PRKN: variants seen among roughly 807,000 people sequenced by gnomAD.
The protein encoded by PRKN is parkin RBR E3 ubiquitin protein ligase.
PRKN carries 56 observed loss-of-function variants against 59.5 expected under a neutral mutation model. That is an observed-to-expected ratio of 0.94 (90% confidence interval 0.76 to 1.18). The LOEUF (loss-of-function observed/expected upper bound fraction) is 1.18. Ranked by LOEUF, PRKN falls within the 50% of genes most tolerant of loss-of-function variation. The pLI is 0.00. For missense variants in PRKN, 657 were observed against 596.4 expected (o/e 1.10, Z -1.06); for synonymous variants, 250 against 222.1 (o/e 1.13, Z -1.12).
At chr6:162,342,012 T>C (rs981035289) in intron 2 of PRKN, among the ~76,000 whole-genome samples, 1 of 152,156 alleles carries the variant, frequency 6.6e-6, no homozygotes, top group African/African-American at 2.4e-5. Context: ...TTTAATGAAA[T>C]AGTTTTTTTT....
At chr6:162,633,651 C>A (rs1209128672) in intron 1 of PRKN, among the ~76,000 whole-genome samples, 1 of 151,976 alleles carries the variant, frequency 6.6e-6, no homozygotes, top group African/African-American at 2.4e-5. Context: ...TTGCTGAATG[C>A]AGAGGCCCAG....
At chr6:162,088,112 C>T (rs1489437915) in intron 4 of PRKN, among the ~76,000 whole-genome samples, 16 of 152,072 alleles carry the variant, frequency 1.1e-4, no homozygotes, top group Admixed American at 9.2e-4. Flanking sequence ...AGAGAGGGCA[C>T]AATATTATCC....
rs1016344473 is a variant in PRKN, at chr6:161,356,388, A to G, written c.1285+3700T>C. On this transcript the variant is annotated intron_variant, in intron 11 of 11. Coordinates refer to ENST00000366898, the MANE Select transcript of PRKN (RefSeq NM_004562.3). The surrounding 1 kb of genome is among the most constrained non-coding windows in gnomAD (Gnocchi z 7.8). ...GACACAGAAGCGTCCTGGGGAGAGG[A>G]GCGGGACTGTGTGGTTGCAATGTCA... Among the ~76,000 whole-genome samples, 1 of 152,126 alleles carries G rather than the reference A, an allele frequency of 6.6e-6. No homozygotes were observed. Among genetic ancestry groups the G allele is most frequent in the Non-Finnish European group, 1.5e-5 (1 of 68,020 alleles).
intron 1 of PRKN, among the ~76,000 whole-genome samples, chr6:162,520,091 A>T (rs1042118122): frequency 1.3e-5 from 2 of 151,988 alleles, no homozygotes; most frequent in African/African-American, 4.8e-5. Context: ...TCTCTACAAA[A>T]ATATATATAT....
rs369298514 is a variant in PRKN, at chr6:162,620,947, G to C, written c.7+106715C>G. On this transcript the variant is annotated intron_variant, in intron 1 of 11. Coordinates refer to ENST00000366898, the MANE Select transcript of PRKN (RefSeq NM_004562.3). ...TAAATTAATTTTCTCTCAGGTCTTTGAAGACACTGCTTTGATAGCTTCTCG... is the reference window on the plus strand; with the variant it reads ...TAAATTAATTTTCTCTCAGGTCTTTCAAGACACTGCTTTGATAGCTTCTCG... Among the ~76,000 whole-genome samples the C allele has an allele frequency of 5.9e-5, 9 of 152,280 alleles. No individual in the cohort carries two copies. In the East Asian group the frequency reaches 1.7e-3, roughly 29 times the overall value.
At chr6:162,574,116 CG>C (rs1427090402) in intron 1 of PRKN, among the ~76,000 whole-genome samples, 10 of 152,126 alleles carry the variant, frequency 6.6e-5, no homozygotes, top group Non-Finnish European at 1.3e-4. Flanking sequence ...TCAACAGTGG[CG>C]GGGCTGCTGA....
intron 9 of PRKN, among the ~76,000 whole-genome samples, chr6:161,506,002 G>C (rs1310996804): frequency 6.6e-6 from 1 of 151,846 alleles, no homozygotes; most frequent in Non-Finnish European, 1.5e-5. Context: ...TTGACTTGGC[G>C]ATGCGGGTTC....
In PRKN at chr6:161,429,105, T is replaced by A. The variant is rs993000399; in HGVS notation, c.1084-42228A>T. Among the ~76,000 whole-genome samples the A allele has an allele frequency of 2.0e-5, 3 of 152,224 alleles. No individual in the cohort carries two copies. Among genetic ancestry groups the A allele is most frequent in the Non-Finnish European group, 4.4e-5 (3 of 68,042 alleles). The stretch of plus-strand genomic sequence containing the variant: ...CAGATGGCACCTTTGCTAACCTTGA[T>A]TGTGCCTTGAGATATTCACCTTTCC... On this transcript the variant is annotated intron_variant, in intron 9 of 11. Coordinates refer to ENST00000366898, the MANE Select transcript of PRKN (RefSeq NM_004562.3). This position sits in a 1 kb window ranked among gnomAD's most constrained non-coding sequence, Gnocchi z 4.2.
chr6:161,564,264 G>C (rs993266397), intron 8 of PRKN, among the ~76,000 whole-genome samples: 1 of 152,048 alleles, frequency 6.6e-6, no homozygotes, highest in Admixed American at 6.5e-5. Context: ...GAATAATCAG[G>C]ATATAAACGT....
At chr6:162,221,508 T>G (rs554207035) in intron 3 of PRKN, among the ~76,000 whole-genome samples, 1 of 152,168 alleles carries the variant, frequency 6.6e-6, no homozygotes, top group African/African-American at 2.4e-5. Flanking sequence ...TAGACTTCAA[T>G]TAAATTTGGA....
intron 6 of PRKN, among the ~76,000 whole-genome samples, chr6:161,939,418 CAAAAAAAAAAAAAAA>C (rs34604240): frequency 2.5e-5 from 1 of 39,578 alleles, no homozygotes; most frequent in Non-Finnish European, 4.4e-5. Flanking sequence ...GACTCTGTCT[CAAAAAAAAAAAAAAA>C]AAAAAAAAAA....
intron 6 of PRKN, among the ~76,000 whole-genome samples, chr6:161,852,135 A>G (rs963048585): frequency 6.6e-6 from 1 of 151,868 alleles, no homozygotes; most frequent in African/African-American, 2.4e-5. Context: ...TGATAGCCAC[A>G]GAGGGAATTT....
At chr6:162,548,052 TTTTTTGTTTTTG>T (rs71544937) in intron 1 of PRKN, among the ~76,000 whole-genome samples, 38,079 of 151,308 alleles carry the variant, frequency 0.25, 5,635 homozygotes, top group African/African-American at 0.4. Context: ...CCTCTCTGAG[TTTTTTGTTTTTG>T]TTTTTGTTTT....
chr6:161,476,074 C>T (rs1200713705), intron 9 of PRKN, among the ~76,000 whole-genome samples: 1 of 151,676 alleles, frequency 6.6e-6, no homozygotes, highest in African/African-American at 2.4e-5. Flanking sequence ...GTAGTCCCAG[C>T]TACTCAGGAG....
chr6:162,467,764 C>A (rs1258841495), intron 1 of PRKN, among the ~76,000 whole-genome samples: 1 of 152,122 alleles, frequency 6.6e-6, no homozygotes, highest in Non-Finnish European at 1.5e-5. Flanking sequence ...GCCTACAGGG[C>A]TGCACGGCCT....
intron 7 of PRKN, among the ~76,000 whole-genome samples, chr6:161,689,146 G>A (rs1245002764): frequency 1.3e-5 from 2 of 149,934 alleles, no homozygotes; most frequent in Non-Finnish European, 3.0e-5. Flanking sequence ...TTCAAGTTTT[G>A]CCTTGTTGTT....
intron 4 of PRKN, among the ~76,000 whole-genome samples, chr6:162,061,944 T>C (rs1346794799): frequency 1.3e-5 from 2 of 152,214 alleles, no homozygotes; most frequent in African/African-American, 4.8e-5. Flanking sequence ...GGAAGACAAC[T>C]GGAATATACA....
At chr6:162,456,184 C>T (rs2022996) in intron 1 of PRKN, among the ~76,000 whole-genome samples, 38,853 of 151,988 alleles carry the variant, frequency 0.26, 5,102 homozygotes, top group African/African-American at 0.33. Flanking sequence ...AGTTAGAACA[C>T]GGGCTTACAC....
intron 6 of PRKN, among the ~76,000 whole-genome samples, chr6:161,964,172 T>A (rs1780490496): frequency 6.6e-6 from 1 of 152,102 alleles, no homozygotes; most frequent in African/African-American, 2.4e-5. Context: ...GTTTGTAGAT[T>A]GGTTTAACCA....
Sources: allele counts gnomAD v4.1 joint callset (sites outside exome capture counted in the v4.1 genomes callset), GRCh38; gene constraint gnomAD v4.1.1; non-coding constraint Gnocchi (gnomAD v3.1); transcripts MANE v1.5; gene names NCBI Gene and HGNC (gene_info 2026-07-23, HGNC 2026-07-21).